The following TBC1D19 variants were observed in gnomAD, a reference collection of about 807,000 sequenced individuals.
TBC1D19 encodes the protein TBC1 domain family, member 19.
A neutral mutation model predicts 89.0 loss-of-function variants in TBC1D19; 60 were observed. The ratio of observed to expected loss-of-function variants is 0.67; its 90% CI spans 0.55 to 0.84. The LOEUF is 0.84. Ranked by LOEUF, TBC1D19 falls within the 40% of genes least tolerant of loss-of-function variation. The pLI is 0.00. For synonymous variants in TBC1D19, 189 were observed against 199.7 expected, an observed-to-expected ratio of 0.95 and a Z score of 0.45; for missense variants, 500 against 610.8, an observed-to-expected ratio of 0.82 and a Z score of 1.91.
At chr4:26,757,526 C>T (rs1719309974), downstream of TBC1D19, among the ~76,000 whole-genome samples, 1 of 152,180 alleles carries the variant, frequency 6.6e-6, no homozygotes, top group Admixed American at 6.5e-5. Flanking sequence ...TCATTTCACC[C>T]ACTAATGTGA....
chr4:26,702,107 G>A (rs1715380166), intron 13 of TBC1D19, among the ~76,000 whole-genome samples: 1 of 152,188 alleles, frequency 6.6e-6, no homozygotes, highest in Non-Finnish European at 1.5e-5. Flanking sequence ...CAGAGTCAGT[G>A]AGGGCATCTG....
intron 19 of TBC1D19, among the ~76,000 whole-genome samples, 173 bp downstream of exon 19, chr4:26,748,699 CT>C (rs1718784250): frequency 6.6e-6 from 1 of 152,202 alleles, no homozygotes; most frequent in African/African-American, 2.4e-5. Flanking sequence ...AGTCTTGATA[CT>C]TTTATGTAAC....
intron 1 of TBC1D19, among the ~76,000 whole-genome samples, chr4:26,597,487 A>G (rs1396923683): frequency 1.3e-5 from 2 of 148,208 alleles, no homozygotes; most frequent in South Asian, 2.1e-4. Context: ...AAGACGTCAT[A>G]TAGTTTTCTT....
intron 4 of TBC1D19, among the ~76,000 whole-genome samples, chr4:26,629,391 T>TA (rs1488648257): frequency 6.6e-6 from 1 of 152,092 alleles, no homozygotes; most frequent in African/African-American, 2.4e-5. Flanking sequence ...GGGTTGTTTC[T>TA]ATCATCACTT....
chr4:26,655,655 A>T lies in TBC1D19; in HGVS notation c.481-3942A>T, dbSNP rs541050416. Reference sequence around the variant, plus strand: ...TAGCAATGAGTGAGGCTCTGTGGGCATAGGACCCTCCGAGCCAGGCACGGG... The same window carrying T: ...TAGCAATGAGTGAGGCTCTGTGGGCTTAGGACCCTCCGAGCCAGGCACGGG... On this transcript the variant is annotated intron_variant, in intron 7 of 20. Transcript: ENST00000264866. Among the ~76,000 whole-genome samples the T allele has an allele frequency of 7.4e-4, 112 of 152,350 alleles. 3 individuals are homozygous for T. In the South Asian group the frequency reaches 0.022, roughly 30 times the overall value.
the TBC1D19 span, among the ~76,000 whole-genome samples, chr4:26,772,632 C>G: frequency 6.6e-6 from 1 of 152,256 alleles, no homozygotes; most frequent in African/African-American, 2.4e-5. Flanking sequence ...ATCCCACACC[C>G]CCAACAGACC....
At chr4:26,687,268 A>G (rs1475252168) in intron 12 of TBC1D19, among the ~76,000 whole-genome samples, 1 of 152,178 alleles carries the variant, frequency 6.6e-6, no homozygotes, top group Non-Finnish European at 1.5e-5. Flanking sequence ...TTTATCTGAT[A>G]CTGTGCTAGG....
At chr4:26,818,688 G>T in the TBC1D19 span, among the ~76,000 whole-genome samples, 1 of 152,070 alleles carries the variant, frequency 6.6e-6, no homozygotes, top group Non-Finnish European at 1.5e-5. Context: ...ACACATTTTT[G>T]TCCTGAACCT....
chr4:26,742,024 G>T (rs895822091), intron 17 of TBC1D19, among the ~76,000 whole-genome samples: 1 of 152,182 alleles, frequency 6.6e-6, no homozygotes, highest in Non-Finnish European at 1.5e-5. Flanking sequence ...CAAAGAAAGA[G>T]TGAGAAAAGC....
the TBC1D19 span, among the ~76,000 whole-genome samples, chr4:26,779,321 G>C: frequency 6.6e-6 from 1 of 152,146 alleles, no homozygotes; most frequent in East Asian, 1.9e-4. Context: ...AAGGAACTCC[G>C]GGAGAAGGGG....
chr4:26,643,548 C>G (rs1743697598), intron 7 of TBC1D19, among the ~76,000 whole-genome samples: 1 of 152,056 alleles, frequency 6.6e-6, no homozygotes, highest in Admixed American at 6.6e-5. Flanking sequence ...CATTCAAAAG[C>G]TAGCAGAAGG....
At chr4:26,608,825 G>C (rs1000835838) in intron 1 of TBC1D19, among the ~76,000 whole-genome samples, 18 of 151,660 alleles carry the variant, frequency 1.2e-4, no homozygotes, top group African/African-American at 3.4e-4. Context: ...CTTGTTTTGG[G>C]GGGGAGGAAA....
At chr4:26,694,772 C>A (rs1021934131) in intron 13 of TBC1D19, among the ~76,000 whole-genome samples, 1 of 152,208 alleles carries the variant, frequency 6.6e-6, no homozygotes, top group Admixed American at 6.5e-5. Context: ...TGCTGATACC[C>A]AGGCAAACAG....
intron 13 of TBC1D19, among the ~76,000 whole-genome samples, chr4:26,714,226 T>A (rs1716405779): frequency 1.3e-5 from 2 of 152,092 alleles, no homozygotes; most frequent in African/African-American, 4.8e-5. Context: ...TATACTGATA[T>A]GAAAAGATCT....
At chr4:26,754,796 A>G (rs996843941) in intron 20 of TBC1D19, 77 bp from the exon 21 acceptor site, 30 of 1,194,638 alleles carry the variant, frequency 2.5e-5, no homozygotes, top group Non-Finnish European at 3.5e-5. Context: ...TAGTGTCAAA[A>G]TTACATTGTA....
chr4:26,748,983 T>C (rs1473238631), intron 19 of TBC1D19, among the ~76,000 whole-genome samples: 1 of 152,238 alleles, frequency 6.6e-6, no homozygotes, highest in Admixed American at 6.5e-5. Flanking sequence ...CTGTGTCTAT[T>C]TATAAATGAA....
the TBC1D19 span, among the ~76,000 whole-genome samples, chr4:26,835,736 A>C: frequency 0.23 from 35,084 of 152,128 alleles, 4,947 homozygotes; most frequent in Middle Eastern, 0.34. Flanking sequence ...CCCTGAAGTC[A>C]ACATGAACTT....
chr4:26,811,296 G>A, the TBC1D19 span, among the ~76,000 whole-genome samples: 3 of 152,222 alleles, frequency 2.0e-5, no homozygotes, highest in Non-Finnish European at 4.4e-5. Context: ...ATAAGCAGGA[G>A]CTGAACAATG....
chr4:26,850,437 A>G, the TBC1D19 span, among the ~76,000 whole-genome samples: 1 of 148,294 alleles, frequency 6.7e-6, no homozygotes, highest in African/African-American at 2.5e-5. Flanking sequence ...AGTCCCGGCT[A>G]CTTGGGAGGC....
Sources: allele counts gnomAD v4.1 joint callset (sites outside exome capture counted in the v4.1 genomes callset), GRCh38; gene constraint gnomAD v4.1.1; transcripts MANE v1.5; gene names NCBI Gene and HGNC (gene_info 2026-07-23, HGNC 2026-07-21).